LRRTM4: variants seen among roughly 807,000 people sequenced by gnomAD.
LRRTM4 encodes the protein leucine rich repeat transmembrane neuronal 4.
Under a neutral mutation model 47.6 loss-of-function variants are expected in LRRTM4, and 25 were observed. That is an observed-to-expected ratio of 0.53 (90% confidence interval 0.38 to 0.73). LRRTM4 has a LOEUF of 0.73. Among genes scored for constraint, LRRTM4 ranks in the 30% least tolerant of loss-of-function variants. The probability of loss-of-function intolerance (pLI) is 0.00; values close to 1 mark genes in which losing one functional copy is unlikely to be tolerated. For synonymous variants in LRRTM4, 311 were observed against 269.5 expected (o/e 1.15, Z -1.51); for missense variants, 638 against 713.4 (o/e 0.89, Z 1.20).
At chr2:77,469,933 T>G (rs1176147392) in intron 3 of LRRTM4, among the ~76,000 whole-genome samples, 2 of 152,182 alleles carry the variant, frequency 1.3e-5, no homozygotes, top group Non-Finnish European at 2.9e-5. Context: ...GGTAGTTAAT[T>G]TAAACAAAGA....
intron 3 of LRRTM4, among the ~76,000 whole-genome samples, chr2:77,334,934 A>G (rs1671105683): frequency 6.6e-6 from 1 of 152,178 alleles, no homozygotes; most frequent in Admixed American, 6.5e-5. Context: ...AAATGCTTGT[A>G]TGCCTAGCAT....
At chr2:77,238,528 C>G (rs1195417119) in intron 3 of LRRTM4, among the ~76,000 whole-genome samples, 3 of 148,852 alleles carry the variant, frequency 2.0e-5, no homozygotes, top group Non-Finnish European at 2.9e-5. Flanking sequence ...CCTCTTTCCT[C>G]AAACCACACT....
At chr2:77,214,866 A>T (rs1260497071) in intron 3 of LRRTM4, among the ~76,000 whole-genome samples, 1 of 152,138 alleles carries the variant, frequency 6.6e-6, no homozygotes, top group Non-Finnish European at 1.5e-5. Context: ...CAGTTCTCTC[A>T]TATTTATTCC....
chr2:77,415,282 G>T (rs1191575282), intron 3 of LRRTM4, among the ~76,000 whole-genome samples: 2 of 152,058 alleles, frequency 1.3e-5, no homozygotes, highest in Non-Finnish European at 1.5e-5. Flanking sequence ...TTCTCTTAGA[G>T]AAATACATTT....
At chr2:76,800,594 T>A (rs1241532301) in intron 3 of LRRTM4, among the ~76,000 whole-genome samples, 1 of 141,562 alleles carries the variant, frequency 7.1e-6, no homozygotes, top group Non-Finnish European at 1.5e-5. Context: ...AAAGCCAAAA[T>A]TGACAAATGG....
chr2:76,762,212 C>A (rs1158673853), intron 3 of LRRTM4, among the ~76,000 whole-genome samples: 2 of 152,144 alleles, frequency 1.3e-5, no homozygotes, highest in Non-Finnish European at 2.9e-5. Context: ...CCTCCATTAG[C>A]TCCTATTTCA....
At chr2:77,213,105 A>G (rs1476321000) in intron 3 of LRRTM4, among the ~76,000 whole-genome samples, 2 of 152,190 alleles carry the variant, frequency 1.3e-5, no homozygotes, top group Non-Finnish European at 2.9e-5. Flanking sequence ...CCTAGACAGC[A>G]GTTAACAACC....
intron 3 of LRRTM4, among the ~76,000 whole-genome samples, chr2:77,024,833 C>T (rs1542187): frequency 0.34 from 52,184 of 151,828 alleles, 9,725 homozygotes; most frequent in East Asian, 0.55. Context: ...CACTGTTTCT[C>T]TAAGGATGTC....
intron 3 of LRRTM4, among the ~76,000 whole-genome samples, chr2:76,853,498 T>C (rs1305284848): frequency 6.6e-6 from 1 of 152,122 alleles, no homozygotes; most frequent in Non-Finnish European, 1.5e-5. Context: ...GCCCTTTAGA[T>C]ATTAGAGTTA....
At chr2:77,028,979 G>A (rs1460723366) in intron 3 of LRRTM4, among the ~76,000 whole-genome samples, 5 of 150,178 alleles carry the variant, frequency 3.3e-5, no homozygotes, top group African/African-American at 9.8e-5. Context: ...AGCTTGCAGT[G>A]AGCCAAGGTC....
intron 3 of LRRTM4, among the ~76,000 whole-genome samples, chr2:77,250,056 A>G (rs1052818776): frequency 6.6e-6 from 1 of 152,232 alleles, no homozygotes; most frequent in Non-Finnish European, 1.5e-5. Flanking sequence ...ATTACATGAA[A>G]GAAACCATTC....
intron 3 of LRRTM4, among the ~76,000 whole-genome samples, chr2:76,790,770 CTTTGATCAAA>C (rs1180663111): frequency 2.0e-5 from 3 of 151,566 alleles, no homozygotes; most frequent in African/African-American, 4.8e-5. Context: ...TAAATCTACT[CTTTGATCAAA>C]TTTGATATAA....
intron 3 of LRRTM4, among the ~76,000 whole-genome samples, chr2:77,400,385 C>A (rs894416064): frequency 6.6e-6 from 1 of 151,770 alleles, no homozygotes; most frequent in Non-Finnish European, 1.5e-5. Context: ...TTCTTTATTT[C>A]TCTTTCATCT....
At chr2:77,507,610 C>A (rs150295044) in intron 3 of LRRTM4, among the ~76,000 whole-genome samples, 225 of 151,932 alleles carry the variant, frequency 1.5e-3, no homozygotes, top group African/African-American at 5.1e-3. Flanking sequence ...TCAAGATTGA[C>A]ATCTAAGTAA....
chr2:77,167,155 CA>C (rs1438161338), intron 3 of LRRTM4, among the ~76,000 whole-genome samples: 4 of 152,144 alleles, frequency 2.6e-5, no homozygotes, highest in Non-Finnish European at 5.9e-5. Flanking sequence ...TATGAAGAGA[CA>C]CTTCTCAAAA....
chr2:77,080,334 T>G (rs1680490317), intron 3 of LRRTM4, among the ~76,000 whole-genome samples: 1 of 152,190 alleles, frequency 6.6e-6, no homozygotes, highest in Non-Finnish European at 1.5e-5. Flanking sequence ...CTTTGAGCAC[T>G]GTCCTTGATC....
chr2:76,830,515 CGTGT>C (rs57566911), intron 3 of LRRTM4, among the ~76,000 whole-genome samples: 4,072 of 144,008 alleles, frequency 0.028, 131 homozygotes, highest in African/African-American at 0.083. Context: ...GCAGTGTGTG[CGTGT>C]GTGTGTGTGT....
chr2:77,406,322 C>CTAT (rs1370613897), intron 3 of LRRTM4, among the ~76,000 whole-genome samples: 5 of 151,760 alleles, frequency 3.3e-5, no homozygotes, highest in Admixed American at 1.3e-4. Flanking sequence ...CATGCATTAT[C>CTAT]TATTATTATT....
intron 3 of LRRTM4, among the ~76,000 whole-genome samples, chr2:77,024,342 C>G (rs1393587072): frequency 6.6e-6 from 1 of 152,036 alleles, no homozygotes; most frequent in East Asian, 1.9e-4. Context: ...CAGTATTTGT[C>G]CTTCTGTGTC....
Sources: gnomAD v4.1 joint callset for allele counts (sites outside exome capture counted in the v4.1 genomes callset) on GRCh38, gnomAD v4.1.1 for gene constraint, MANE v1.5 for transcripts, NCBI Gene and HGNC (gene_info 2026-07-23, HGNC 2026-07-21) for gene names.